Variants in DCLRE1A observed in about 807,000 individuals in gnomAD.
The protein encoded by DCLRE1A is DNA cross-link repair 1A protein.
DCLRE1A carries 64 observed loss-of-function variants against 91.9 expected under a neutral mutation model. That is an observed-to-expected ratio of 0.70 (90% CI 0.57 to 0.86). The LOEUF (loss-of-function observed/expected upper bound fraction) is 0.86, where lower values mean the gene tolerates loss of function less well. Ranked by LOEUF, DCLRE1A falls within the 40% of genes least tolerant of loss-of-function variation. The pLI is 0.00. For missense variants in DCLRE1A, 1,145 were observed against 1,213.3 expected (o/e 0.94, Z 0.84); for synonymous variants, 416 against 431.1 (o/e 0.96, Z 0.43).
chr10:113,835,349 C>A, intron 8 of DCLRE1A, 37 bp from the exon 9 acceptor site: 2 of 1,519,940 alleles, frequency 1.3e-6, no homozygotes, highest in Non-Finnish European at 8.8e-7. Flanking sequence ...ACACTAAAAT[C>A]AAACTAATTT....
chr10:113,852,691 T>C (rs2134673787), intron 1 of DCLRE1A, 32 bp downstream of exon 1: 1 of 1,572,604 alleles, frequency 6.4e-7, no homozygotes. Context: ...TTTTAGATTA[T>C]TTAGAAACTA....
intron 6 of DCLRE1A, among the ~76,000 whole-genome samples, chr10:113,841,879 G>A (rs1019810530): frequency 3.3e-5 from 5 of 152,302 alleles, no homozygotes; most frequent in South Asian, 2.1e-4. Flanking sequence ...CATCTTTAAT[G>A]TTTGATATAA....
chr10:113,842,603 A>G, intron 5 of DCLRE1A, 115 bp from the exon 6 acceptor site: 4 of 881,294 alleles, frequency 4.5e-6, no homozygotes, highest in Middle Eastern at 2.4e-4. Context: ...GCAATGTAAT[A>G]TATTAATACC....
Position 113,853,178 on chromosome 10 carries a change from A to G in DCLRE1A, c.5T>C (p.Leu2Ser), listed in dbSNP as rs1482396210. The stretch of plus-strand genomic sequence containing the variant: ...AATGTCTTCTTCGGAAATGTCTTCT[A>G]ACATGGCAAAATGATTTTATCATTC... Reference protein sequence around the residue: MLEDISEEDIWE... With the variant: MSEDISEEDIWE... Residue 2 changes from leucine to serine, a missense_variant, in exon 1 of 9, where the codon TTA (leucine) becomes TCA (serine). Physicochemically the swap from Leu to Ser is moderately radical, Grantham distance 145. Coordinates refer to ENST00000361384, the MANE Select transcript of DCLRE1A (RefSeq NM_014881.5). 2 of 1,544,904 alleles carry G rather than the reference A, an allele frequency of 1.3e-6. No homozygotes were observed. Among genetic ancestry groups the G allele is most frequent in the Non-Finnish European group, 1.7e-6 (2 of 1,155,662 alleles).
chr10:113,846,660 G>C (rs1845542828), intron 3 of DCLRE1A, among the ~76,000 whole-genome samples: 1 of 152,016 alleles, frequency 6.6e-6, no homozygotes, highest in African/African-American at 2.4e-5. Context: ...CAAAATCTCA[G>C]GATGCTCAAG....
At position 113,849,471 on chromosome 10, in the gene DCLRE1A, T is replaced by A. The variant is rs1845602628; in HGVS notation, c.1634A>T (p.Asn545Ile). Residue 545 changes from asparagine (N) to isoleucine (I), a missense_variant, in exon 2 of 9, where the codon AAT (asparagine) becomes ATT (isoleucine). Asn to Ile is a moderately radical substitution (Grantham distance 149). Transcript: ENST00000361384. ...TACCTTGGTAGAAGGATGTCTTGCA[T>A]TATACTTAAGACCAGAAGGCAATAT... is the stretch of plus-strand genomic sequence containing the variant. ...LKILPSGLKYNARHPSTKVMK... is the reference protein window; with the variant it reads ...LKILPSGLKYIARHPSTKVMK... 1.2e-6 allele frequency: 2 copies of A among 1,614,036 alleles called. No homozygotes were observed. Among genetic ancestry groups the A allele is most frequent in the Non-Finnish European group, 1.7e-6 (2 of 1,180,030 alleles).
At position 113,849,314 on chromosome 10, in the gene DCLRE1A, C is replaced by T. The variant is rs1168240987; in HGVS notation, c.1791G>A (p.Ser597=). 1.1e-5 allele frequency: 17 copies of T among 1,614,020 alleles called. No homozygotes were observed. The highest frequency in any genetic ancestry group is 1.3e-5 in the African/African-American group (1 of 74,926). ...ATTTTTCTGCTTTCCTCTTGCACTG[C>T]GAGGACCTCTTTTGATTAGGACTTG... ...PVPSPNQKRS[S]QCKRKAEKSL... The change falls in exon 2 of 9, where the codon TCG becomes TCA. Residue 597 remains serine, a synonymous_variant. Coordinates refer to ENST00000361384, the MANE Select transcript of DCLRE1A (RefSeq NM_014881.5).
At position 113,849,009 on chromosome 10, in the gene DCLRE1A, T is replaced by G. The variant is rs1845590058; in HGVS notation, c.2096A>C (p.Lys699Thr). 6.2e-7 allele frequency: 1 copy of G among 1,613,606 alleles called. No individual in the cohort carries two copies. The highest frequency in any genetic ancestry group is 1.1e-5 in the South Asian group (1 of 90,966). ...TATTTTCTTATAGAATGGACATGTC[T>G]TTTTTCTTGATCCTCCTACATTAGA... ...ESSNVGGSRK[K>T]TCPFYKKIPG... Residue 699 changes from lysine to threonine, a missense_variant, in exon 2 of 9, where the codon AAG (lysine) becomes ACG (threonine). By Grantham distance (78) the Lys-to-Thr change is moderately conservative. Transcript: ENST00000361384.
At chr10:113,847,366 A>G in intron 2 of DCLRE1A, 31 bp from the exon 3 acceptor site, 1 of 1,611,412 alleles carries the variant, frequency 6.2e-7, no homozygotes. Context: ...CAGTAGGTTG[A>G]GCAAGAGCTA....
In DCLRE1A at chr10:113,850,348, G is replaced by T; in HGVS notation, c.757C>A (p.Gln253Lys). Residue 253 changes from glutamine (Q) to lysine (K), a missense_variant, in exon 2 of 9, where the codon CAA becomes AAA. By Grantham distance (53) the Gln-to-Lys change is moderately conservative. Coordinates refer to ENST00000361384, the MANE Select transcript of DCLRE1A (RefSeq NM_014881.5). ...AATTGTAGAGCTTGTTGGGATGTTT[G>T]GATATGAGTAGAAATCTTTTCACTG... is the stretch of plus-strand genomic sequence containing the variant. ...EASEKISTHI[Q>K]TSQQALQFTD... is the part of the protein sequence containing the mutation. The T allele has an allele frequency of 6.2e-7, 1 of 1,614,176 alleles. No homozygotes were observed. Among genetic ancestry groups the T allele is most frequent in the East Asian group, 2.2e-5 (1 of 44,890 alleles).
At position 113,835,090 on chromosome 10, in the gene DCLRE1A, A is replaced by G; in HGVS notation, c.*62T>C. 6.7e-7 allele frequency: 1 copy of G among 1,481,968 alleles called. No individual in the cohort carries two copies. 91.8% of individuals were successfully genotyped at this position (1,481,968 alleles called of 1,614,324 possible). ...CAAAGTGTATTTCACATTTCTATAG[A>G]TTTAACTACTAACAAGCTACATCCA... On this transcript the variant is annotated 3_prime_UTR_variant, in exon 9 of 9. Transcript: ENST00000361384.
Position 113,848,937 on chromosome 10 carries a change from CGTT to C in DCLRE1A, c.2125+40_2125+42del, listed in dbSNP as rs1564844597. ...GGGCAATAAACACAAAGTTCAAAAA[CGTT>C]GTCTTTGTTGATATATCGAGTATTG... is the stretch of plus-strand genomic sequence containing the variant. On this transcript the variant is annotated intron_variant, in intron 2 of 8. Coordinates refer to ENST00000361384, the MANE Select transcript of DCLRE1A (RefSeq NM_014881.5). The C allele has an allele frequency of 9.0e-6, 14 of 1,549,502 alleles. 1 individual carries two copies. In the South Asian group the frequency reaches 1.5e-4, roughly 16 times the overall value.
rs539489849 is a variant in DCLRE1A at position 113,852,899 on chromosome 10, T to A, written c.284A>T (p.Glu95Val). ...TCTACAGAGTTTTCCTGGAGTAGTT[T>A]CCTTGTCTTGGGTCTGCTGAATACC... ...GDGIQQTQDK[E>V]TTPGKLCRTQ... Residue 95 changes from glutamate to valine, a missense_variant, in exon 1 of 9, where the codon GAA becomes GTA. Coordinates refer to ENST00000361384, the MANE Select transcript of DCLRE1A (RefSeq NM_014881.5). The A allele has an allele frequency of 6.2e-7, 1 of 1,614,170 alleles. No homozygotes were observed. Among genetic ancestry groups the A allele is most frequent in the East Asian group, 2.2e-5 (1 of 44,874 alleles).
chr10:113,848,251 A>T (rs1473226132), intron 2 of DCLRE1A, among the ~76,000 whole-genome samples: 2 of 151,970 alleles, frequency 1.3e-5, no homozygotes, highest in Non-Finnish European at 2.9e-5. Context: ...CGGGAGGTGG[A>T]GCTTGCAGTG....
chr10:113,847,393 T>G, intron 2 of DCLRE1A, 58 bp from the exon 3 acceptor site: 1 of 1,591,908 alleles, frequency 6.3e-7, no homozygotes, highest in Non-Finnish European at 8.6e-7. Context: ...CCAATTTGAT[T>G]ATAAATACTG....
In DCLRE1A at chr10:113,842,404, T is replaced by C. The variant is rs772667890; in HGVS notation, c.2604A>G (p.Leu868=). The C allele has an allele frequency of 3.0e-5, 49 of 1,613,882 alleles. No individual in the cohort carries two copies. The highest frequency in any genetic ancestry group is 4.0e-5 in the Non-Finnish European group (47 of 1,179,906). The change falls in exon 6 of 9, where the codon CTA becomes CTG. Residue 868 remains leucine (L), a synonymous_variant. Coordinates refer to ENST00000361384, the MANE Select transcript of DCLRE1A (RefSeq NM_014881.5). ...CACAGACAACAAGAGCATGTGGGTT[T>C]AGAGTTACAGCCTCAAAGGCAGTGT... is the stretch of plus-strand genomic sequence containing the variant. ...AINTAFEAVT[L]NPHALVVCGT...
intron 8 of DCLRE1A, among the ~76,000 whole-genome samples, chr10:113,835,700 C>T (rs1564840626): frequency 1.3e-5 from 2 of 152,004 alleles, no homozygotes; most frequent in Middle Eastern, 3.2e-3. Flanking sequence ...TTTGGGAGGC[C>T]GAAGCGGGCA....
At chr10:113,843,347 A>G (rs1424408147) in intron 5 of DCLRE1A, among the ~76,000 whole-genome samples, 1 of 152,214 alleles carries the variant, frequency 6.6e-6, no homozygotes, top group East Asian at 1.9e-4. Flanking sequence ...GTAACAAAAA[A>G]GGGTTTTTTT....
In DCLRE1A at chr10:113,847,263, A is replaced by G. The variant is rs2134662955; in HGVS notation, c.2198T>C (p.Phe733Ser). Reference protein sequence around the residue: ...EGCTAYFLTHFHSDHYAGLSK... With the variant: ...EGCTAYFLTHSHSDHYAGLSK... ...CAATCCAGCATAATGATCAGAATGA[A>G]AATGTGTGAGAAAATAGGCTGTGCA... Residue 733 changes from phenylalanine (F) to serine (S), a missense_variant, in exon 3 of 9, where the codon TTT becomes TCT. Transcript: ENST00000361384. The G allele has an allele frequency of 1.9e-6, 3 of 1,614,028 alleles. No individual in the cohort carries two copies. The highest frequency in any genetic ancestry group is 4.5e-5 in the East Asian group (2 of 44,858).
Sources: gnomAD v4.1 joint callset for allele counts (sites outside exome capture counted in the v4.1 genomes callset) on GRCh38, gnomAD v4.1.1 for gene constraint, MANE v1.5 for transcripts, NCBI Gene and HGNC (gene_info 2026-07-23, HGNC 2026-07-21) for gene names.